Variants in LIPK observed in about 807,000 individuals in gnomAD.
LIPK encodes lipase family member K, also known as lipase member K.
In LIPK, 32 loss-of-function variants were observed where a neutral mutation model predicts 48.6. The ratio of observed to expected loss-of-function variants is 0.66; its 90% CI spans 0.50 to 0.88. The LOEUF (loss-of-function observed/expected upper bound fraction) is 0.88, where lower values mean the gene tolerates loss of function less well. LIPK is among the 40% of genes least tolerant of loss of function. The pLI, the probability that LIPK is intolerant of heterozygous loss-of-function variation, is 0.00. For missense variants in LIPK, 507 were observed against 478.5 expected, an observed-to-expected ratio of 1.06 and a Z score of -0.56; for synonymous variants, 164 against 157.4, an observed-to-expected ratio of 1.04 and a Z score of -0.32.
Position 88,726,136 on chromosome 10 carries a change from G to C in LIPK, c.106-659G>C, listed in dbSNP as rs1191815873. ...ATAGATCACTTGTTATTAGCCACAG[G>C]GTACTCCACAATTCCCTGTGGTTTC... On this transcript the variant is annotated intron_variant, in intron 2 of 9. Coordinates refer to ENST00000404190, the MANE Select transcript of LIPK (RefSeq NM_001080518.2). 2.0e-5 allele frequency among the ~76,000 whole-genome samples: 3 copies of C among 152,118 alleles called. No individual in the cohort carries two copies. In the East Asian group the frequency reaches 5.8e-4, roughly 29 times the overall value.
At chr10:88,749,064 A>G (rs1395352188) in intron 9 of LIPK, among the ~76,000 whole-genome samples, 1 of 152,240 alleles carries the variant, frequency 6.6e-6, no homozygotes, top group Admixed American at 6.5e-5. Flanking sequence ...ACAGCTAATC[A>G]GGGAAATGAA....
In LIPK at chr10:88,752,645, T is replaced by C; in HGVS notation, c.1089T>C (p.Tyr363=). 6.4e-7 allele frequency: 1 copy of C among 1,573,634 alleles called. No homozygotes were observed. Among genetic ancestry groups the C allele is most frequent in the Non-Finnish European group, 8.6e-7 (1 of 1,157,340 alleles). The change falls in exon 10 of 10, where the codon TAT becomes TAC. Residue 363 remains tyrosine (Y), a synonymous_variant. Coordinates refer to ENST00000404190, the MANE Select transcript of LIPK (RefSeq NM_001080518.2). ...NLLPQIANLI[Y]YKLIPHYNHV... ...TTCCTCAAATTGCTAACCTTATTTA[T>C]TACAAGCTGATTCCACACTACAATC...
rs562862615 is a variant in LIPK at position 88,744,493 on chromosome 10, T to G, written c.960+1172T>G. ...TTGCACATGGTCCCACCTACCAAGG[T>G]TATAGCACCCAGCCCAGGAGTGCTG... On this transcript the variant is annotated intron_variant, in intron 9 of 9. Coordinates refer to ENST00000404190, the MANE Select transcript of LIPK (RefSeq NM_001080518.2). Among the ~76,000 whole-genome samples, 5 of 152,260 alleles carry G rather than the reference T, an allele frequency of 3.3e-5. No individual in the cohort carries two copies. The South Asian group carries it at 1.0e-3, about 32-fold the overall frequency.
At chr10:88,711,018 A>G (rs965591923) in intron 1 of LIPK, among the ~76,000 whole-genome samples, 1 of 152,170 alleles carries the variant, frequency 6.6e-6, no homozygotes, top group Non-Finnish European at 1.5e-5. Context: ...GTATCTCTCT[A>G]GGGTTTAACT....
At chr10:88,743,171 T>C (rs1473469748) in intron 8 of LIPK, 79 bp from the exon 9 acceptor site, 2 of 917,740 alleles carry the variant, frequency 2.2e-6, no homozygotes, top group East Asian at 2.7e-5. Context: ...ATGTTAATCT[T>C]CTTTGTATAT....
chr10:88,737,665 C>A lies in LIPK; in HGVS notation c.700C>A (p.His234Asn). The A allele has an allele frequency of 6.2e-7, 1 of 1,613,926 alleles. No homozygotes were observed. Among genetic ancestry groups the A allele is most frequent in the Non-Finnish European group, 8.5e-7 (1 of 1,179,808 alleles). ...VLFGDKMFHP[H>N]TLFDQFIATK... ...GTTTGGTGACAAAATGTTCCACCCT[C>A]ATACATTGTTTGACCAATTCATTGC... is the stretch of plus-strand genomic sequence containing the variant. The change falls in exon 7 of 10, where the codon CAT becomes AAT. Residue 234 changes from histidine (H) to asparagine (N), a missense_variant. Transcript: ENST00000404190.
At chr10:88,749,560 A>G (rs1842828273) in intron 9 of LIPK, among the ~76,000 whole-genome samples, 1 of 152,242 alleles carries the variant, frequency 6.6e-6, no homozygotes, top group South Asian at 2.1e-4. Flanking sequence ...GGCTAGCCAT[A>G]TGCAGAAGAT....
chr10:88,713,269 T>A (rs1564972645), intron 1 of LIPK, among the ~76,000 whole-genome samples: 3 of 152,214 alleles, frequency 2.0e-5, no homozygotes, highest in Admixed American at 1.3e-4. Context: ...AATAGAGTTG[T>A]TTGTAACTTA....
At chr10:88,714,140 T>C (rs1842073785) in intron 1 of LIPK, among the ~76,000 whole-genome samples, 1 of 152,074 alleles carries the variant, frequency 6.6e-6, no homozygotes, top group Admixed American at 6.6e-5. Flanking sequence ...AAGTATTCAA[T>C]ATGTTAGCAT....
chr10:88,709,794 T>C (rs570016389), intron 1 of LIPK, among the ~76,000 whole-genome samples: 14 of 152,146 alleles, frequency 9.2e-5, no homozygotes, highest in Non-Finnish European at 2.1e-4. Context: ...TTATACAGCC[T>C]AGAACAATTC....
At chr10:88,723,521 T>C (rs929720891) in intron 1 of LIPK, among the ~76,000 whole-genome samples, 2 of 152,192 alleles carry the variant, frequency 1.3e-5, no homozygotes, top group Non-Finnish European at 2.9e-5. Context: ...ATGTTCCCCT[T>C]GGTTGTTTTT....
chr10:88,727,965 G>A, intron 3 of LIPK: 1 of 332,062 alleles, frequency 3.0e-6, no homozygotes, highest in Non-Finnish European at 6.0e-6. Flanking sequence ...ACAACTTTCT[G>A]CGGCAGCTGG....
At position 88,743,282 on chromosome 10, in the gene LIPK, T is replaced by G; in HGVS notation, c.921T>G (p.Asp307Glu). The change falls in exon 9 of 10, where the codon GAT (aspartate) becomes GAG (glutamate). Residue 307 changes from aspartate (D) to glutamate (E), a missense_variant. Asp to Glu is a conservative substitution (Grantham distance 45). Transcript: ENST00000404190. ...ATTCTGGTCAGCTCCAAGCTTTTGATTGGGGAAACTCTGATCAGAACATGA... is the reference window on the plus strand; with the variant it reads ...ATTCTGGTCAGCTCCAAGCTTTTGAGTGGGGAAACTCTGATCAGAACATGA... Reference protein sequence around the residue: ...AVNSGQLQAFDWGNSDQNMMH... With the variant: ...AVNSGQLQAFEWGNSDQNMMH... The G allele has an allele frequency of 6.3e-7, 1 of 1,593,746 alleles. No homozygotes were observed. The highest frequency in any genetic ancestry group is 1.1e-5 in the South Asian group (1 of 88,032).
intron 9 of LIPK, among the ~76,000 whole-genome samples, chr10:88,746,159 A>G (rs1364583390): frequency 6.6e-6 from 1 of 152,190 alleles, no homozygotes; most frequent in Non-Finnish European, 1.5e-5. Flanking sequence ...AGAGACTTAG[A>G]TAACCACACA....
At chr10:88,745,071 C>G (rs1433213690) in intron 9 of LIPK, among the ~76,000 whole-genome samples, 1 of 151,416 alleles carries the variant, frequency 6.6e-6, no homozygotes, top group East Asian at 1.9e-4. Context: ...CCCAGTCAGA[C>G]AAAAATAAAG....
chr10:88,730,845 G>A (rs546273165), intron 3 of LIPK, 138 bp from the exon 4 acceptor site: 158 of 668,206 alleles, frequency 2.4e-4, no homozygotes, highest in African/African-American at 2.2e-3. Flanking sequence ...GCTCAGAAGG[G>A]ACTAGATCCC....
intron 3 of LIPK, among the ~76,000 whole-genome samples, chr10:88,729,687 T>C (rs966493489): frequency 6.6e-6 from 1 of 152,206 alleles, no homozygotes; most frequent in African/African-American, 2.4e-5. Flanking sequence ...GGTACTTAAC[T>C]TTGGCAGAGT....
intron 8 of LIPK, among the ~76,000 whole-genome samples, chr10:88,742,361 A>G (rs868606301): frequency 1.3e-5 from 2 of 152,350 alleles, no homozygotes; most frequent in Middle Eastern, 6.8e-3. Context: ...GCCTCTCTGA[A>G]TATAAATCAT....
At chr10:88,718,262 A>G (rs1236282232) in intron 1 of LIPK, among the ~76,000 whole-genome samples, 1 of 149,446 alleles carries the variant, frequency 6.7e-6, no homozygotes, top group Non-Finnish European at 1.5e-5. Context: ...CCTTCTATAT[A>G]TATACATACA....
Sources: gnomAD v4.1 joint callset for allele counts (sites outside exome capture counted in the v4.1 genomes callset) on GRCh38, gnomAD v4.1.1 for gene constraint, MANE v1.5 for transcripts, NCBI Gene and HGNC (gene_info 2026-07-23, HGNC 2026-07-21) for gene names.